MATN2: variants seen among roughly 807,000 people sequenced by gnomAD.
MATN2 encodes matrilin-2.
MATN2 carries 69 observed loss-of-function variants against 103.2 expected under a neutral mutation model. The observed-to-expected ratio is 0.67, with a 90% CI of 0.55 to 0.82. The LOEUF (loss-of-function observed/expected upper bound fraction) is 0.82, where lower values mean the gene tolerates loss of function less well. Ranked by LOEUF, MATN2 falls within the 40% of genes least tolerant of loss-of-function variation. MATN2 has a pLI of 0.00. For synonymous variants in MATN2, 429 were observed against 450.2 expected (o/e 0.95, Z 0.60); for missense variants, 1,023 against 1,211.5 (o/e 0.84, Z 2.31).
chr8:97,927,534 C>T (rs1402351891), intron 2 of MATN2, among the ~76,000 whole-genome samples: 1 of 152,254 alleles, frequency 6.6e-6, no homozygotes, highest in South Asian at 2.1e-4. Context: ...TGAACTAGCC[C>T]TTTCAGGGAC....
intron 2 of MATN2, among the ~76,000 whole-genome samples, chr8:97,914,703 C>T (rs912503927): frequency 5.3e-5 from 8 of 152,082 alleles, no homozygotes; most frequent in African/African-American, 1.9e-4. Context: ...ACCCACATGG[C>T]CCTGTCTTCC....
At chr8:97,928,710 G>T (rs1472563081) in intron 2 of MATN2, among the ~76,000 whole-genome samples, 1 of 152,186 alleles carries the variant, frequency 6.6e-6, no homozygotes, top group Non-Finnish European at 1.5e-5. Flanking sequence ...CTGATGGAGG[G>T]GTGGGGAGAG....
chr8:98,014,527 T>C (rs1416737827), intron 10 of MATN2, among the ~76,000 whole-genome samples: 1 of 152,268 alleles, frequency 6.6e-6, no homozygotes, highest in African/African-American at 2.4e-5. Flanking sequence ...GTTATCAAAC[T>C]TTTCCCATTC....
chr8:97,905,107 ATGT>A (rs1208591576), intron 2 of MATN2, among the ~76,000 whole-genome samples: 4 of 152,234 alleles, frequency 2.6e-5, no homozygotes, highest in African/African-American at 9.6e-5. Context: ...TGATCTTGAC[ATGT>A]TGTTTTTAAA....
At chr8:97,928,217 CCTTT>C (rs1411463564) in intron 2 of MATN2, among the ~76,000 whole-genome samples, 2 of 128,462 alleles carry the variant, frequency 1.6e-5, no homozygotes, top group Non-Finnish European at 3.1e-5. Flanking sequence ...AGCACTCCTG[CCTTT>C]TTTTTTTTTT....
intron 1 of MATN2, 48 bp from the exon 2 acceptor site, chr8:97,888,027 G>C: frequency 6.4e-7 from 1 of 1,553,082 alleles, no homozygotes; most frequent in Non-Finnish European, 8.7e-7. Flanking sequence ...AGTTCAGGGA[G>C]ACCCGGAAAT....
intron 16 of MATN2, 76 bp downstream of exon 16, chr8:98,032,393 A>G: frequency 9.0e-7 from 1 of 1,116,122 alleles, no homozygotes; most frequent in South Asian, 1.4e-5. Context: ...AAAGCTGTAA[A>G]GAAGTGAATG....
intron 4 of MATN2, among the ~76,000 whole-genome samples, chr8:97,942,544 C>T (rs1301130271): frequency 1.3e-5 from 2 of 152,136 alleles, no homozygotes; most frequent in East Asian, 1.9e-4. Flanking sequence ...CACTGAGTAC[C>T]GTGTCCTTAC....
In MATN2 at chr8:98,027,590, A is replaced by C. The variant is rs201479365; in HGVS notation, c.2117A>C (p.Glu706Ala). The C allele has an allele frequency of 2.5e-6, 4 of 1,613,724 alleles. No homozygotes were observed. The African/African-American group carries it at 5.3e-5, about 22-fold the overall frequency. ...CAGTATTCCACACAGGTCCACACAG[A>C]GTTCACTCTGAGAAACTTCAACTCA... ...LLQYSTQVHT[E>A]FTLRNFNSAK... Residue 706 changes from glutamate (E) to alanine (A), a missense_variant, in exon 14 of 19, where the codon GAG becomes GCG. Coordinates refer to ENST00000254898, the MANE Select transcript of MATN2 (RefSeq NM_002380.5).
At chr8:97,918,402 A>T (rs1034118954) in intron 2 of MATN2, among the ~76,000 whole-genome samples, 2 of 152,226 alleles carry the variant, frequency 1.3e-5, no homozygotes, top group East Asian at 3.8e-4. Flanking sequence ...TGAAAGATGA[A>T]TAAGTCCAAG....
intron 18 of MATN2, among the ~76,000 whole-genome samples, chr8:98,035,287 G>A (rs1423382543): frequency 1.3e-5 from 2 of 152,182 alleles, no homozygotes; most frequent in East Asian, 3.9e-4. Flanking sequence ...AACCCAGGAG[G>A]CGGAGGTTGC....
chr8:98,001,829 T>G (rs1812795840), intron 7 of MATN2, among the ~76,000 whole-genome samples: 1 of 151,056 alleles, frequency 6.6e-6, no homozygotes, highest in African/African-American at 2.5e-5. Context: ...CCAGTAAGCT[T>G]CTTATGTTTC....
At chr8:97,892,899 AG>A (rs576851460) in intron 2 of MATN2, among the ~76,000 whole-genome samples, 61 of 152,240 alleles carry the variant, frequency 4.0e-4, no homozygotes, top group Admixed American at 1.9e-3. Context: ...GCCCACGGAG[AG>A]CCCTGTGGGA....
chr8:97,998,769 A>T (rs1356894333), intron 7 of MATN2, among the ~76,000 whole-genome samples: 2 of 151,952 alleles, frequency 1.3e-5, no homozygotes, highest in Admixed American at 1.3e-4. Flanking sequence ...ATACTTGTAT[A>T]CAATATGTTG....
At chr8:97,962,966 C>A (rs1563694232) in intron 5 of MATN2, among the ~76,000 whole-genome samples, 1 of 152,162 alleles carries the variant, frequency 6.6e-6, no homozygotes, top group Admixed American at 6.5e-5. Context: ...GAAACCCGGT[C>A]TCTACTAAAA....
chr8:98,025,850 G>A, intron 13 of MATN2: 1 of 351,856 alleles, frequency 2.8e-6, no homozygotes, highest in Non-Finnish European at 5.6e-6. Context: ...TTAACATAAA[G>A]CTTTTATTTC....
chr8:97,975,476 C>T (rs979296569), intron 5 of MATN2, among the ~76,000 whole-genome samples: 22 of 152,216 alleles, frequency 1.4e-4, no homozygotes, highest in Non-Finnish European at 2.2e-4. Context: ...CAGAAATGGC[C>T]GGGCTCAGAT....
At chr8:98,024,589 C>G (rs990104241) in intron 13 of MATN2, among the ~76,000 whole-genome samples, 1 of 152,194 alleles carries the variant, frequency 6.6e-6, no homozygotes, top group Non-Finnish European at 1.5e-5. Context: ...ATGGGGCTTT[C>G]GTGGTAAGGT....
At chr8:97,930,194 G>A (rs534490068) in intron 2 of MATN2, among the ~76,000 whole-genome samples, 12 of 152,166 alleles carry the variant, frequency 7.9e-5, no homozygotes, top group Non-Finnish European at 1.5e-4. Context: ...GCTATTGTCA[G>A]GACGACACAG....
Sources: gnomAD v4.1 joint callset for allele counts (sites outside exome capture counted in the v4.1 genomes callset) on GRCh38, gnomAD v4.1.1 for gene constraint, MANE v1.5 for transcripts, NCBI Gene and HGNC (gene_info 2026-07-23, HGNC 2026-07-21) for gene names.